Variants in PDE7B observed in about 807,000 individuals in gnomAD.
The protein encoded by PDE7B is 3',5'-cyclic-AMP phosphodiesterase 7B.
A neutral mutation model predicts 56.2 loss-of-function variants in PDE7B; 29 were observed. That is an observed-to-expected ratio of 0.52 (90% CI 0.38 to 0.70). The LOEUF (loss-of-function observed/expected upper bound fraction) is 0.70. Ranked by LOEUF, PDE7B falls within the 30% of genes least tolerant of loss-of-function variation. The pLI, the probability that PDE7B is intolerant of heterozygous loss-of-function variation, is 0.00. For synonymous variants in PDE7B, 197 were observed against 196.9 expected (o/e 1.00, Z 0.00); for missense variants, 490 against 565.0 (o/e 0.87, Z 1.35).
Position 136,102,982 on chromosome 6 carries a change from AAGAAG to A in PDE7B, c.83-5742_83-5738del, listed in dbSNP as rs527993591. ...TTTTTATATGCAAATCAAGATTTTT[AAGAAG>A]AGAAGAAAGAACTTTTTTCACATGC... is the stretch of plus-strand genomic sequence containing the variant. On this transcript the variant is annotated intron_variant, in intron 2 of 12. Coordinates refer to ENST00000308191, the MANE Select transcript of PDE7B (RefSeq NM_018945.4). Among the ~76,000 whole-genome samples the A allele has an allele frequency of 1.6e-3, 237 of 152,300 alleles. 1 individual carries two copies. Among genetic ancestry groups the A allele is most frequent in the Non-Finnish European group, 2.6e-3 (174 of 68,022 alleles).
intron 2 of PDE7B, among the ~76,000 whole-genome samples, chr6:135,999,921 A>C (rs938073739): frequency 6.6e-6 from 1 of 151,828 alleles, no homozygotes; most frequent in Non-Finnish European, 1.5e-5. Flanking sequence ...CCTCACCAGC[A>C]TATGTTATTT....
At chr6:136,042,178 A>G (rs1776424614) in intron 2 of PDE7B, among the ~76,000 whole-genome samples, 3 of 152,210 alleles carry the variant, frequency 2.0e-5, no homozygotes, top group Admixed American at 6.5e-5. Flanking sequence ...AAGATCCCCA[A>G]CTGTTATCAA....
At chr6:135,896,011 T>G (rs1040636612) in intron 1 of PDE7B, among the ~76,000 whole-genome samples, 5 of 152,182 alleles carry the variant, frequency 3.3e-5, no homozygotes, top group African/African-American at 1.2e-4. Flanking sequence ...TGCCTCACAA[T>G]TTTCTATACA....
chr6:135,967,845 G>T (rs1421583851), intron 2 of PDE7B, among the ~76,000 whole-genome samples: 1 of 152,158 alleles, frequency 6.6e-6, no homozygotes, highest in Non-Finnish European at 1.5e-5. Context: ...TATCCACAAG[G>T]GGCCAGCGCC....
intron 2 of PDE7B, among the ~76,000 whole-genome samples, chr6:136,045,697 A>G (rs1292395663): frequency 6.6e-6 from 1 of 152,082 alleles, no homozygotes; most frequent in Non-Finnish European, 1.5e-5. Flanking sequence ...GAATCACTAG[A>G]GAGAAAAGAA....
intron 2 of PDE7B, among the ~76,000 whole-genome samples, chr6:136,013,798 T>C (rs1445164457): frequency 1.3e-5 from 2 of 152,218 alleles, no homozygotes; most frequent in African/African-American, 4.8e-5. Context: ...CTTCCTTTTG[T>C]ACTTTTCGTG....
At chr6:136,174,589 G>A (rs533505908) in intron 9 of PDE7B, among the ~76,000 whole-genome samples, 17 of 152,222 alleles carry the variant, frequency 1.1e-4, no homozygotes, top group South Asian at 1.0e-3. Context: ...TAATGAACAC[G>A]TGCAGAACCC....
chr6:136,087,075 G>A (rs1185991854), intron 2 of PDE7B, among the ~76,000 whole-genome samples: 1 of 152,142 alleles, frequency 6.6e-6, no homozygotes, highest in Non-Finnish European at 1.5e-5. Flanking sequence ...TTCCTTCATA[G>A]GTTGGTTAGA....
At chr6:135,973,588 C>A (rs1775132036) in intron 2 of PDE7B, among the ~76,000 whole-genome samples, 1 of 152,148 alleles carries the variant, frequency 6.6e-6, no homozygotes, top group African/African-American at 2.4e-5. Flanking sequence ...GCCTTCCCAT[C>A]AATAGTACAC....
chr6:135,941,885 G>A (rs898334642), intron 1 of PDE7B, among the ~76,000 whole-genome samples: 2 of 152,132 alleles, frequency 1.3e-5, no homozygotes, highest in African/African-American at 4.8e-5. Flanking sequence ...AAAAAGATTA[G>A]TTGCTGGAGG....
chr6:136,047,692 T>C (rs1776538991), intron 2 of PDE7B, among the ~76,000 whole-genome samples: 1 of 152,224 alleles, frequency 6.6e-6, no homozygotes, highest in Non-Finnish European at 1.5e-5. Context: ...ATAGGTGTTA[T>C]TTCCAACTTA....
chr6:135,928,887 A>G (rs1322973383), intron 1 of PDE7B, among the ~76,000 whole-genome samples: 1 of 152,104 alleles, frequency 6.6e-6, no homozygotes, highest in Non-Finnish European at 1.5e-5. Flanking sequence ...TAACAGGATC[A>G]TTAGTACACC....
chr6:135,920,601 A>T (rs951547879), intron 1 of PDE7B, among the ~76,000 whole-genome samples: 1 of 152,144 alleles, frequency 6.6e-6, no homozygotes, highest in Non-Finnish European at 1.5e-5. Context: ...GAGTCTAACG[A>T]TGTTTCAGAA....
At chr6:136,164,777 A>G (rs1426566274) in intron 8 of PDE7B, among the ~76,000 whole-genome samples, 1 of 152,206 alleles carries the variant, frequency 6.6e-6, no homozygotes, top group African/African-American at 2.4e-5. Flanking sequence ...AAATCTACAG[A>G]GAAATAGAAT....
At chr6:135,946,476 G>A (rs1183132150) in intron 1 of PDE7B, among the ~76,000 whole-genome samples, 4 of 151,956 alleles carry the variant, frequency 2.6e-5, no homozygotes, top group African/African-American at 9.7e-5. Flanking sequence ...GCTGGATTTT[G>A]CAAATAATTT....
At chr6:135,864,783 C>G (rs1053554685) in intron 1 of PDE7B, among the ~76,000 whole-genome samples, 1 of 151,810 alleles carries the variant, frequency 6.6e-6, no homozygotes, top group Non-Finnish European at 1.5e-5. Flanking sequence ...TTATCTCTAG[C>G]CTTTCTTTTT....
chr6:136,060,841 T>C (rs1776825444), intron 2 of PDE7B, among the ~76,000 whole-genome samples: 1 of 152,242 alleles, frequency 6.6e-6, no homozygotes, highest in African/African-American at 2.4e-5. Context: ...AGAGTTCTTT[T>C]CACTTCATTT....
chr6:136,163,854 A>G (rs961662843), intron 8 of PDE7B, among the ~76,000 whole-genome samples: 3 of 152,210 alleles, frequency 2.0e-5, no homozygotes, highest in African/African-American at 4.8e-5. Flanking sequence ...CTTCATCTCC[A>G]TATGAGAGCA....
intron 3 of PDE7B, among the ~76,000 whole-genome samples, chr6:136,138,193 A>G (rs1159300968): frequency 6.6e-6 from 1 of 152,144 alleles, no homozygotes; most frequent in African/African-American, 2.4e-5. Context: ...TATCTGTAAG[A>G]TTTAGCTTAG....
Sources: allele counts gnomAD v4.1 joint callset (sites outside exome capture counted in the v4.1 genomes callset), GRCh38; gene constraint gnomAD v4.1.1; transcripts MANE v1.5; gene names NCBI Gene and HGNC (gene_info 2026-07-23, HGNC 2026-07-21).